PHYHIP: variants seen among roughly 807,000 people sequenced by gnomAD.
The protein encoded by PHYHIP is phytanoyl-CoA hydroxylase-interacting protein.
Under a neutral mutation model 26.1 loss-of-function variants are expected in PHYHIP, and 7 were observed. That is an observed-to-expected ratio of 0.27 (90% CI 0.15 to 0.50). The LOEUF (loss-of-function observed/expected upper bound fraction) is 0.50, where lower values mean the gene tolerates loss of function less well. PHYHIP is among the 20% of genes least tolerant of loss of function. The probability of loss-of-function intolerance (pLI) is 0.98; values close to 1 mark genes in which losing one functional copy is unlikely to be tolerated. For synonymous variants in PHYHIP, 206 were observed against 183.4 expected, an observed-to-expected ratio of 1.12 and a Z score of -1.00; for missense variants, 232 against 454.7, an observed-to-expected ratio of 0.51 and a Z score of 4.45.
Position 22,229,452 on chromosome 8 carries a change from G to T in PHYHIP, c.-29-1066C>A, listed in dbSNP as rs547910402. Among the ~76,000 whole-genome samples, 21 of 152,054 alleles carry T rather than the reference G, an allele frequency of 1.4e-4. No individual in the cohort carries two copies. In the South Asian group the frequency reaches 4.4e-3, roughly 32 times the overall value. ...GGTTCTCCCCTTATGTCTGCTGCTC[G>T]TCCAGGTATGAGAGGACCTCATCAC... On this transcript the variant is annotated intron_variant, in intron 1 of 4. Coordinates refer to ENST00000454243, the MANE Select transcript of PHYHIP (RefSeq NM_014759.5).
Position 22,221,746 on chromosome 8 carries a change from G to C in PHYHIP, c.600C>G (p.Pro200=). Residue 200 remains proline (P), a synonymous_variant, in exon 5 of 5, where the codon CCC becomes CCG. Coordinates refer to ENST00000454243, the MANE Select transcript of PHYHIP (RefSeq NM_014759.5). The surrounding 1 kb of genome is among the most constrained non-coding windows in gnomAD (Gnocchi z 7.9). ...GGATCTGGAAGCGCCAGCGGCCGTA[G>C]GGGGAGTCCTGCGGGGGCTGGCCCG... The part of the protein sequence containing the change: ...FNTGQPPQDS[P]YGRWRFQIPA... The C allele has an allele frequency of 1.2e-6, 2 of 1,613,242 alleles. No homozygotes were observed. The highest frequency in any genetic ancestry group is 1.7e-6 in the Non-Finnish European group (2 of 1,179,808).
At chr8:22,223,954 G>A in intron 4 of PHYHIP, 2 of 401,438 alleles carry the variant, frequency 5.0e-6, no homozygotes, top group South Asian at 6.1e-5. Flanking sequence ...CTGTCCCAGA[G>A]TGGGAGCAAA....
chr8:22,228,488 T>G (rs967065700), intron 1 of PHYHIP, 102 bp from the exon 2 acceptor site: 2 of 648,976 alleles, frequency 3.1e-6, no homozygotes, highest in Non-Finnish European at 5.4e-6. Flanking sequence ...CAAGGACCCC[T>G]GGAATCCACA....
At position 22,221,895 on chromosome 8, in the gene PHYHIP, C is replaced by T; in HGVS notation, c.459-8G>A. The T allele has an allele frequency of 6.7e-7, 1 of 1,495,824 alleles. No homozygotes were observed. The highest frequency in any genetic ancestry group is 2.5e-5 in the East Asian group (1 of 40,526). The allele number at this position is 1,495,824 out of a possible 1,614,324, so 92.7% of individuals were successfully genotyped here. On this transcript the variant is annotated splice_region_variant and splice_polypyrimidine_tract_variant and intron_variant, in intron 4 of 4. Coordinates refer to ENST00000454243, the MANE Select transcript of PHYHIP (RefSeq NM_014759.5). This position sits in a 1 kb window ranked among gnomAD's most constrained non-coding sequence, Gnocchi z 7.9. ...ATGTTCCCGCAGTGGGTCCTGCCCA[C>T]CCCAGGGAGACACACCAAAGGGAAG...
chr8:22,226,672 G>A (rs1423711748), intron 3 of PHYHIP, among the ~76,000 whole-genome samples, 179 bp downstream of exon 3: 1 of 152,166 alleles, frequency 6.6e-6, no homozygotes, highest in Non-Finnish European at 1.5e-5. Context: ...GAGAAAGGTT[G>A]GGCTCCTGGA....
At chr8:22,231,219 T>A (rs560344159) in intron 1 of PHYHIP, among the ~76,000 whole-genome samples, 1 of 152,120 alleles carries the variant, frequency 6.6e-6, no homozygotes, top group South Asian at 2.1e-4. Flanking sequence ...AAAGCCCCTG[T>A]CTGCATACAC....
rs1829611921 is a variant in PHYHIP, at chr8:22,221,084, A to G, written c.*269T>C. 1 of 443,304 alleles carries G rather than the reference A, an allele frequency of 2.3e-6. No individual in the cohort carries two copies. The highest frequency in any genetic ancestry group is 1.9e-5 in the African/African-American group (1 of 51,646). 27.5% of individuals were successfully genotyped at this position (443,304 alleles called of 1,614,324 possible). On this transcript the variant is annotated 3_prime_UTR_variant, in exon 5 of 5. Transcript: ENST00000454243. The surrounding 1 kb of genome is among the most constrained non-coding windows in gnomAD (Gnocchi z 7.9). Reference sequence around the variant, plus strand: ...CAAAGAACAGTAGGACAAGGAAACCAGAGGAAAGGGGAAGTTCTCCAGAAG... The same window carrying G: ...CAAAGAACAGTAGGACAAGGAAACCGGAGGAAAGGGGAAGTTCTCCAGAAG...
intron 1 of PHYHIP, among the ~76,000 whole-genome samples, chr8:22,231,202 C>A (rs148324652): frequency 6.6e-6 from 1 of 152,110 alleles, no homozygotes. Flanking sequence ...CTCACCTCCC[C>A]ATATAGAAAG....
intron 1 of PHYHIP, among the ~76,000 whole-genome samples, chr8:22,229,241 T>A (rs1178929542): frequency 6.6e-6 from 1 of 152,180 alleles, no homozygotes; most frequent in African/African-American, 2.4e-5. Context: ...TGATTTGAAC[T>A]CCGGCACCCA....
At chr8:22,226,531 G>A (rs1478391848) in intron 3 of PHYHIP, among the ~76,000 whole-genome samples, 1 of 152,162 alleles carries the variant, frequency 6.6e-6, no homozygotes, top group African/African-American at 2.4e-5. Context: ...TTTACGTCAT[G>A]CACCTTTGAC....
At position 22,222,029 on chromosome 8, in the gene PHYHIP, A is replaced by T. The variant is rs1319130027; in HGVS notation, c.459-142T>A. ...TCCCCCAGCCGCCTCCACTAGTCGC[A>T]AATAGAACATTCCAGAATGCAAGAG... On this transcript the variant is annotated intron_variant, in intron 4 of 4. Transcript: ENST00000454243. 7.6e-6 allele frequency: 5 copies of T among 659,724 alleles called. No individual in the cohort carries two copies. The African/African-American group carries it at 9.1e-5, about 12-fold the overall frequency. 40.9% of individuals were successfully genotyped at this position (659,724 alleles called of 1,614,324 possible).
At chr8:22,228,558 G>T (rs541547517) in intron 1 of PHYHIP, 172 bp from the exon 2 acceptor site, 3 of 527,218 alleles carry the variant, frequency 5.7e-6, no homozygotes, top group African/African-American at 1.9e-5. Context: ...ATGATGGAGG[G>T]TGGAAAGGGG....
intron 1 of PHYHIP, among the ~76,000 whole-genome samples, chr8:22,230,163 C>G (rs542610428): frequency 6.6e-6 from 1 of 152,182 alleles, no homozygotes; most frequent in Non-Finnish European, 1.5e-5. Flanking sequence ...CTCTTGGGAA[C>G]CTGGTGAGAA....
intron 1 of PHYHIP, among the ~76,000 whole-genome samples, chr8:22,229,785 G>A (rs989606732): frequency 1.3e-5 from 2 of 152,194 alleles, no homozygotes; most frequent in African/African-American, 4.8e-5. Context: ...TGCAAAAGCA[G>A]GTACTTTTAT....
At position 22,224,289 on chromosome 8, in the gene PHYHIP, C is replaced by T. The variant is rs748801776; in HGVS notation, c.395G>A (p.Gly132Asp). The T allele has an allele frequency of 6.2e-7, 1 of 1,613,060 alleles. No individual in the cohort carries two copies. The highest frequency in any genetic ancestry group is 1.1e-5 in the South Asian group (1 of 91,074). ...GAAGACGGAGAAGCGGAGCATGCGG[C>T]CTGCGATCTGCTCAGCTTTCTCCTG... The part of the protein sequence containing the change: ...QLQEKAEQIA[G>D]RMLRFSVFYR... The change falls in exon 4 of 5, where the codon GGC (glycine) becomes GAC (aspartate). Residue 132 changes from glycine to aspartate, a missense_variant. Transcript: ENST00000454243.
chr8:22,223,995 AC>A, intron 4 of PHYHIP: 1 of 515,016 alleles, frequency 1.9e-6, no homozygotes, highest in South Asian at 2.2e-5. Context: ...GCTCATTAGT[AC>A]AACACTCTTG....
At chr8:22,223,451 G>A (rs563519037) in intron 4 of PHYHIP, among the ~76,000 whole-genome samples, 34 of 151,690 alleles carry the variant, frequency 2.2e-4, no homozygotes, top group African/African-American at 3.9e-4. Flanking sequence ...CAGCAGGCCC[G>A]GGGATGGTGG....
intron 2 of PHYHIP, chr8:22,227,665 C>T (rs1449533523): frequency 2.2e-6 from 1 of 456,518 alleles, no homozygotes; most frequent in East Asian, 7.0e-5. Flanking sequence ...GGACTCTCTC[C>T]CATTCCTTTT....
intron 3 of PHYHIP, among the ~76,000 whole-genome samples, chr8:22,226,181 C>T (rs945750125): frequency 6.6e-6 from 1 of 152,190 alleles, no homozygotes; most frequent in African/African-American, 2.4e-5. Flanking sequence ...ATGTGATTGC[C>T]TCACCAAGTG....
Sources: gnomAD v4.1 joint callset for allele counts (sites outside exome capture counted in the v4.1 genomes callset) on GRCh38, gnomAD v4.1.1 for gene constraint, Gnocchi (gnomAD v3.1) non-coding constraint, MANE v1.5 for transcripts, NCBI Gene and HGNC (gene_info 2026-07-23, HGNC 2026-07-21) for gene names.